Variants in SERPINB6 observed in about 807,000 individuals in gnomAD.
The protein encoded by SERPINB6 is serpin family B member 6, also known as serpin B6.
Under a neutral mutation model 26.1 loss-of-function variants are expected in SERPINB6, and 16 were observed. The ratio of observed to expected loss-of-function variants is 0.61; its 90% confidence interval spans 0.42 to 0.93. The LOEUF is 0.93. SERPINB6 is among the 40% of genes least tolerant of loss of function. The pLI is 0.00. For missense variants in SERPINB6, 420 were observed against 478.0 expected (o/e 0.88, Z 1.13); for synonymous variants, 174 against 176.6 (o/e 0.99, Z 0.11).
chr6:2,949,158 G>A (rs1581227833), intron 5 of SERPINB6, 89 bp from the exon 6 acceptor site: 2 of 1,419,270 alleles, frequency 1.4e-6, no homozygotes, highest in Admixed American at 1.9e-5. Flanking sequence ...TCTCTGCAGG[G>A]AGAAACGCAG....
chr6:2,959,927 G>A (rs1770906242), intron 1 of SERPINB6: 1 of 169,548 alleles, frequency 5.9e-6, no homozygotes, highest in African/African-American at 2.4e-5. Context: ...GGAAATCCCT[G>A]CAGGTGGCAA....
intron 2 of SERPINB6, chr6:2,956,449 A>G (rs1290994391): frequency 6.6e-6 from 1 of 152,358 alleles, no homozygotes; most frequent in Non-Finnish European, 1.5e-5. Flanking sequence ...GACAGAAGGA[A>G]GTCCAGGCTA....
At chr6:2,955,086 A>G in intron 3 of SERPINB6, 1 of 278,020 alleles carries the variant, frequency 3.6e-6, no homozygotes, top group Non-Finnish European at 6.9e-6. Context: ...GCTACTTGGG[A>G]GGCTGAGGCA....
chr6:2,959,312 T>C lies in SERPINB6; in HGVS notation c.21A>G (p.Ala7=). ...AAAGGTTTAAGGCAAAGGTGCCATT[T>C]GCTTCTGCGAGAACATCCATGATGG... The part of the protein sequence containing the change: MDVLAE[A]NGTFALNLLK... The change falls in exon 2 of 7, where the codon GCA becomes GCG. Residue 7 remains alanine, a synonymous_variant. Coordinates refer to ENST00000380539, the MANE Select transcript of SERPINB6 (RefSeq NM_004568.6). The C allele has an allele frequency of 6.2e-7, 1 of 1,614,200 alleles. No homozygotes were observed. The highest frequency in any genetic ancestry group is 8.5e-7 in the Non-Finnish European group (1 of 1,180,040).
At chr6:2,958,491 C>T (rs898208971) in intron 2 of SERPINB6, among the ~76,000 whole-genome samples, 42 of 152,156 alleles carry the variant, frequency 2.8e-4, no homozygotes, top group African/African-American at 9.4e-4. Context: ...CTGTCTTCTG[C>T]GAGCACTTCC....
chr6:2,954,774 T>C, intron 3 of SERPINB6, 65 bp from the exon 4 acceptor site: 1 of 1,020,686 alleles, frequency 9.8e-7, no homozygotes, highest in Non-Finnish European at 1.6e-6. Context: ...GGCCTACTTC[T>C]TCATTGCACC....
At chr6:2,950,124 T>C (rs140290690) in intron 5 of SERPINB6, among the ~76,000 whole-genome samples, 62 of 152,330 alleles carry the variant, frequency 4.1e-4, no homozygotes, top group African/African-American at 1.4e-3. Context: ...TCCTATTTTC[T>C]TATTTATGCT....
At chr6:2,962,097 T>C in intron 1 of SERPINB6, 1 of 985,358 alleles carries the variant, frequency 1.0e-6, no homozygotes. Flanking sequence ...TCCGGTAATA[T>C]CCCGGAGAAT....
chr6:2,958,246 G>A (rs1168707333), intron 2 of SERPINB6: 3 of 152,386 alleles, frequency 2.0e-5, no homozygotes, highest in South Asian at 2.1e-4. Flanking sequence ...TCTACAAGCC[G>A]AGGAGAAAGG....
In SERPINB6 at chr6:2,954,647, G is replaced by A. The variant is rs777702384; in HGVS notation, c.375C>T (p.Ser125=). 82 of 1,613,786 alleles carry A rather than the reference G, an allele frequency of 5.1e-5. No homozygotes were observed. The highest frequency in any genetic ancestry group is 1.6e-4 in the Middle Eastern group (1 of 6,084). Residue 125 remains serine, a synonymous_variant, in exon 4 of 7, where the codon AGC becomes AGT. Transcript: ENST00000380539. The part of the protein sequence containing the change: ...QAEMEELDFI[S]AVEKSRKHIN... ...TGTGTTTTCTGGACTTCTCTACGGCGCTGATAAAGTCAAGCTCCTCCATCT... is the reference window on the plus strand; with the variant it reads ...TGTGTTTTCTGGACTTCTCTACGGCACTGATAAAGTCAAGCTCCTCCATCT...
intron 1 of SERPINB6, chr6:2,963,738 G>A (rs1356490151): frequency 6.6e-6 from 1 of 152,212 alleles, no homozygotes; most frequent in Non-Finnish European, 1.5e-5. Flanking sequence ...AACAAGATAA[G>A]CCATGTTCCA....
chr6:2,957,308 G>A (rs769567487), intron 2 of SERPINB6: 2 of 152,238 alleles, frequency 1.3e-5, no homozygotes, highest in Non-Finnish European at 2.9e-5. Flanking sequence ...TAACACATGG[G>A]AAGAGAAAGA....
At position 2,967,111 on chromosome 6, in the gene SERPINB6, T is replaced by C; in HGVS notation, c.-11+4422A>G. On this transcript the variant is annotated intron_variant, in intron 1 of 6. Transcript: ENST00000380539. This position sits in a 1 kb window ranked among gnomAD's most constrained non-coding sequence, Gnocchi z 4.3. ...AGAAAATGATGTTTGTATGTCACTT[T>C]GGGGCCAGGCTACTCACCCCAAAGG... 1 of 985,244 alleles carries C rather than the reference T, an allele frequency of 1.0e-6. No homozygotes were observed. The highest frequency in any genetic ancestry group is 4.7e-5 in the South Asian group (1 of 21,280). The allele number at this position is 985,244 out of a possible 1,614,324, so 61.0% of individuals were successfully genotyped here. A position where few individuals can be genotyped will look rare whatever the true frequency, so the allele number is the denominator to read the frequency against.
chr6:2,969,880 T>G, intron 1 of SERPINB6: 2 of 893,740 alleles, frequency 2.2e-6, no homozygotes, highest in Non-Finnish European at 2.7e-6. Flanking sequence ...CTCACATCTG[T>G]AATCCCAGCA....
chr6:2,956,247 C>G (rs1770463391), intron 2 of SERPINB6: 1 of 155,148 alleles, frequency 6.4e-6, no homozygotes, highest in Non-Finnish European at 1.4e-5. Context: ...CCTGTCTATA[C>G]AAACACAGGC....
intron 2 of SERPINB6, 175 bp from the exon 3 acceptor site, chr6:2,955,845 G>A (rs945847429): frequency 1.6e-5 from 10 of 625,964 alleles, no homozygotes; most frequent in Non-Finnish European, 2.7e-5. Flanking sequence ...GGGAGGCCAA[G>A]GCGGGAGGAT....
At chr6:2,969,523 C>T in intron 1 of SERPINB6, 1 of 985,282 alleles carries the variant, frequency 1.0e-6, no homozygotes, top group Non-Finnish European at 1.2e-6. Flanking sequence ...TTTAAACAAG[C>T]CTAACAAATC....
At chr6:2,958,552 G>A (rs1034645654) in intron 2 of SERPINB6, among the ~76,000 whole-genome samples, 2 of 152,134 alleles carry the variant, frequency 1.3e-5, no homozygotes, top group Non-Finnish European at 1.5e-5. Flanking sequence ...CGCTGCTGAA[G>A]GAAGCATGTG....
Position 2,959,226 on chromosome 6 carries a change from C to T in SERPINB6, c.107G>A (p.Cys36Tyr). The T allele has an allele frequency of 6.8e-6, 11 of 1,614,198 alleles. No homozygotes were observed. The highest frequency in any genetic ancestry group is 1.1e-5 in the South Asian group (1 of 91,090). ...NVFFSPMSMS[C>Y]ALAMVYMGAK... Reference sequence around the variant, plus strand: ...CCCCATGTAGACCATGGCCAGGGCACAGGACATGCTCATGGGTGAGAAAAA... The same window carrying T: ...CCCCATGTAGACCATGGCCAGGGCATAGGACATGCTCATGGGTGAGAAAAA... Residue 36 changes from cysteine to tyrosine, a missense_variant, in exon 2 of 7, where the codon TGT becomes TAT. Cys to Tyr is a radical substitution (Grantham distance 194). Coordinates refer to ENST00000380539, the MANE Select transcript of SERPINB6 (RefSeq NM_004568.6).
Sources: gnomAD v4.1 joint callset for allele counts (sites outside exome capture counted in the v4.1 genomes callset) on GRCh38, gnomAD v4.1.1 for gene constraint, Gnocchi (gnomAD v3.1) non-coding constraint, MANE v1.5 for transcripts, NCBI Gene and HGNC (gene_info 2026-07-23, HGNC 2026-07-21) for gene names.